The following ADAR variants were observed in gnomAD, a reference collection of about 807,000 sequenced individuals.
ADAR encodes double-stranded RNA-specific adenosine deaminase.
ADAR carries 41 observed loss-of-function variants against 113.2 expected under a neutral mutation model. The ratio of observed to expected loss-of-function variants is 0.36; its 90% CI spans 0.28 to 0.47. ADAR has a LOEUF of 0.47. Among genes scored for constraint, ADAR ranks in the 20% least tolerant of loss-of-function variants. The probability of loss-of-function intolerance (pLI) is 1.00; values close to 1 mark genes in which losing one functional copy is unlikely to be tolerated. For missense variants in ADAR, 1,242 were observed against 1,540.9 expected (o/e 0.81, Z 3.25); for synonymous variants, 605 against 572.6 (o/e 1.06, Z -0.81).
rs774464542 is a variant in ADAR at position 154,601,091 on chromosome 1, T to C, written c.1551A>G (p.Gln517=). Residue 517 remains glutamine, a synonymous_variant, in exon 2 of 15, where the codon CAA becomes CAG. Transcript: ENST00000368474. This position sits in a 1 kb window ranked among gnomAD's most constrained non-coding sequence, Gnocchi z 4.7. ...GLLEYAQFAS[Q]TCEFNMIEQS... is the part of the protein sequence containing the mutation. ...GCTCTATCATGTTGAACTCACAGGT[T>C]TGACTAGCGAACTGGGCATATTCTA... 4 of 1,614,190 alleles carry C rather than the reference T, an allele frequency of 2.5e-6. No individual in the cohort carries two copies. Among genetic ancestry groups the C allele is most frequent in the Non-Finnish European group, 3.4e-6 (4 of 1,180,024 alleles).
upstream of ADAR, among the ~76,000 whole-genome samples, chr1:154,610,196 T>A (rs1330768749): frequency 6.6e-6 from 1 of 152,180 alleles, no homozygotes; most frequent in Non-Finnish European, 1.5e-5. Context: ...GAGCAGCTCT[T>A]AGTCACTACA....
intron 9 of ADAR, among the ~76,000 whole-genome samples, 200 bp from the exon 10 acceptor site, chr1:154,588,873 G>T (rs1379396734): frequency 6.6e-6 from 1 of 152,232 alleles, no homozygotes; most frequent in Non-Finnish European, 1.5e-5. Flanking sequence ...CTTCATTTCT[G>T]CTGAGGGCTC....
chr1:154,589,097 G>T (rs1391917672), intron 9 of ADAR, among the ~76,000 whole-genome samples: 1 of 152,238 alleles, frequency 6.6e-6, no homozygotes, highest in Admixed American at 6.5e-5. Flanking sequence ...AGGTCATTTT[G>T]TGTTTTTAGA....
At chr1:154,609,127 G>GGCC (rs1698393714), upstream of ADAR, among the ~76,000 whole-genome samples, 1 of 152,172 alleles carries the variant, frequency 6.6e-6, no homozygotes, top group Non-Finnish European at 1.5e-5. Context: ...GCTTGACTAA[G>GGCC]GCCACGCTGC....
At chr1:154,620,175 A>G (rs1571148920) in intron 1 of ADAR, among the ~76,000 whole-genome samples, 1 of 152,302 alleles carries the variant, frequency 6.6e-6, no homozygotes, top group South Asian at 2.1e-4. Flanking sequence ...TTGGGAGGCC[A>G]AGGCGGGTGG....
chr1:154,598,748 C>A (rs1192449643), intron 2 of ADAR, among the ~76,000 whole-genome samples, 163 bp from the exon 3 acceptor site: 1 of 152,196 alleles, frequency 6.6e-6, no homozygotes, highest in Non-Finnish European at 1.5e-5. Context: ...TAAGGCTCAG[C>A]CTGTCCTTTC....
intron 1 of ADAR, 95 bp downstream of exon 1, chr1:154,607,897 T>G: frequency 6.4e-7 from 1 of 1,573,670 alleles, no homozygotes; most frequent in Non-Finnish European, 8.6e-7. Context: ...ACTCTAACAC[T>G]CACAAGACGC....
At chr1:154,599,903 C>G (rs1262053138) in intron 2 of ADAR, among the ~76,000 whole-genome samples, 2 of 152,248 alleles carry the variant, frequency 1.3e-5, no homozygotes, top group Non-Finnish European at 2.9e-5. Flanking sequence ...CTTCAACAGG[C>G]AGGCAGCCGT....
intron 1 of ADAR, among the ~76,000 whole-genome samples, chr1:154,627,458 A>G (rs1204304445): frequency 6.6e-6 from 1 of 151,908 alleles, no homozygotes; most frequent in Non-Finnish European, 1.5e-5. Context: ...CAGGCAGCTC[A>G]CTCTCCAGTC....
intron 11 of ADAR, among the ~76,000 whole-genome samples, chr1:154,587,903 C>G (rs1186754792): frequency 6.6e-6 from 1 of 152,214 alleles, no homozygotes; most frequent in Non-Finnish European, 1.5e-5. Context: ...ACCCCCACCT[C>G]CTATTTGACT....
intron 13 of ADAR, 81 bp from the exon 14 acceptor site, chr1:154,585,425 G>A (rs1696692817): frequency 3.8e-6 from 6 of 1,598,902 alleles, no homozygotes; most frequent in African/African-American, 1.3e-5. Context: ...AGACTCATAG[G>A]AGAGAGGAAG....
chr1:154,605,640 C>T (rs900410321), intron 1 of ADAR, among the ~76,000 whole-genome samples: 6 of 152,156 alleles, frequency 3.9e-5, no homozygotes, highest in African/African-American at 1.4e-4. Context: ...TGGCACAAAG[C>T]TGATTCTCAA....
At chr1:154,617,549 C>T (rs1252569891) in intron 1 of ADAR, among the ~76,000 whole-genome samples, 1 of 152,152 alleles carries the variant, frequency 6.6e-6, no homozygotes, top group Non-Finnish European at 1.5e-5. Flanking sequence ...CATAAATCAA[C>T]AGCCAATATC....
chr1:154,608,880 T>C (rs71628626), upstream of ADAR: 23 of 142,008 alleles, frequency 1.6e-4, no homozygotes, highest in Admixed American at 1.5e-3. Context: ...ACGACCAAGG[T>C]CCCCACCGTG....
intron 1 of ADAR, 136 bp from the exon 2 acceptor site, chr1:154,602,762 G>T: frequency 2.7e-6 from 3 of 1,125,002 alleles, no homozygotes; most frequent in Non-Finnish European, 3.7e-6. Flanking sequence ...TTATGACTTG[G>T]CTAGGGTGAC....
At chr1:154,592,354 A>G (rs1697203760) in intron 6 of ADAR, among the ~76,000 whole-genome samples, 1 of 152,222 alleles carries the variant, frequency 6.6e-6, no homozygotes, top group Admixed American at 6.5e-5. Flanking sequence ...AATACTTATC[A>G]AATATGAGAT....
At chr1:154,589,086 A>C (rs1696953928) in intron 9 of ADAR, among the ~76,000 whole-genome samples, 1 of 152,240 alleles carries the variant, frequency 6.6e-6, no homozygotes, top group African/African-American at 2.4e-5. Context: ...TGAGGACTAA[A>C]AGGTCATTTT....
At chr1:154,589,598 T>G (rs777316853) in intron 8 of ADAR, 136 bp from the exon 9 acceptor site, 20 of 1,200,712 alleles carry the variant, frequency 1.7e-5, no homozygotes, top group Admixed American at 7.6e-5. Context: ...TATTCTCTCC[T>G]CTAGGAACTA....
At position 154,589,345 on chromosome 1, in the gene ADAR, G is replaced by C. The variant is rs201771088; in HGVS notation, c.2762+24C>G. The C allele has an allele frequency of 9.3e-5, 149 of 1,601,458 alleles. No individual in the cohort carries two copies. The East Asian group carries it at 3.3e-3, about 35-fold the overall frequency. ...GGAGCTCTCCACAGCCGGGCAGCCGGGCCACAGCTCTGACCTCGCTCACCT... is the reference window on the plus strand; with the variant it reads ...GGAGCTCTCCACAGCCGGGCAGCCGCGCCACAGCTCTGACCTCGCTCACCT... On this transcript the variant is annotated intron_variant, in intron 9 of 14. Transcript: ENST00000368474.
Sources: gnomAD v4.1 joint callset for allele counts (sites outside exome capture counted in the v4.1 genomes callset) on GRCh38, gnomAD v4.1.1 for gene constraint, Gnocchi (gnomAD v3.1) non-coding constraint, MANE v1.5 for transcripts, NCBI Gene and HGNC (gene_info 2026-07-23, HGNC 2026-07-21) for gene names.